SNX29: variants seen among roughly 807,000 people sequenced by gnomAD.
SNX29 encodes the protein sorting nexin-29.
SNX29 carries 78 observed loss-of-function variants against 102.1 expected under a neutral mutation model. That is an observed-to-expected ratio of 0.76 (90% confidence interval 0.64 to 0.92). SNX29 has a LOEUF of 0.92. Ranked by LOEUF, SNX29 falls within the 40% of genes least tolerant of loss-of-function variation. The pLI, the probability that SNX29 is intolerant of heterozygous loss-of-function variation, is 0.00. For synonymous variants in SNX29, 580 were observed against 414.5 expected, an observed-to-expected ratio of 1.40 and a Z score of -4.85; for missense variants, 1,280 against 1,061.7, an observed-to-expected ratio of 1.21 and a Z score of -2.86.
At chr16:12,203,299 G>T (rs2076961330) in intron 14 of SNX29, among the ~76,000 whole-genome samples, 1 of 152,132 alleles carries the variant, frequency 6.6e-6, no homozygotes, top group African/African-American at 2.4e-5. Context: ...AGGTGGACTG[G>T]TGGTATTGGA....
rs769027308 is a variant in SNX29 at position 12,091,039 on chromosome 16, G to GAA, written c.1402+12126_1402+12127dup. Among the ~76,000 whole-genome samples, 339 of 111,160 alleles carry GAA rather than the reference G, an allele frequency of 3.0e-3. 9 individuals are homozygous for GAA. The highest frequency in any genetic ancestry group is 0.012 in the African/African-American group (318 of 27,264). 72.9% of individuals were successfully genotyped at this position (111,160 alleles called of 152,430 possible). A position where few individuals can be genotyped will look rare whatever the true frequency, so the allele number is the denominator to read the frequency against. ...CAAAAAAAAAAAAAAAAAAAAAAAAGAAAGAAAAAGAAAAAAGAGCGCCTG... is the reference window on the plus strand; with the variant it reads ...CAAAAAAAAAAAAAAAAAAAAAAAAGAAAAAGAAAAAGAAAAAAGAGCGCCTG... On this transcript the variant is annotated intron_variant, in intron 11 of 20. Transcript: ENST00000566228.
chr16:12,429,433 C>T (rs1320316487), intron 18 of SNX29, among the ~76,000 whole-genome samples: 1 of 151,966 alleles, frequency 6.6e-6, no homozygotes, highest in African/African-American at 2.4e-5. Context: ...TTTCTTTTTC[C>T]TCTAAGAGAC....
intron 20 of SNX29, among the ~76,000 whole-genome samples, chr16:12,530,542 T>G (rs1262933655): frequency 4.5e-5 from 3 of 66,638 alleles, no homozygotes; most frequent in East Asian, 1.2e-3. Flanking sequence ...TTTGCCTTCG[T>G]TTTTTTTTTT....
chr16:12,565,167 G>T (rs1210155876), intron 20 of SNX29, among the ~76,000 whole-genome samples: 2 of 152,004 alleles, frequency 1.3e-5, no homozygotes, highest in Non-Finnish European at 2.9e-5. Flanking sequence ...CATACTCCCA[G>T]TCCTACCCAA....
chr16:12,512,155 T>C (rs944385987), intron 19 of SNX29, among the ~76,000 whole-genome samples: 2 of 151,366 alleles, frequency 1.3e-5, no homozygotes, highest in Non-Finnish European at 2.9e-5. Flanking sequence ...CCCCAGGGGA[T>C]GTAGGGAGGC....
At chr16:11,976,843 C>T (rs991581015) in intron 1 of SNX29, 30 bp downstream of exon 1, 2 of 1,343,618 alleles carry the variant, frequency 1.5e-6, no homozygotes, top group African/African-American at 1.5e-5. Context: ...CTGTCACCTG[C>T]CCCGGCCGCC....
chr16:12,226,837 C>T (rs889681851), intron 14 of SNX29, among the ~76,000 whole-genome samples: 6 of 152,178 alleles, frequency 3.9e-5, no homozygotes, highest in African/African-American at 1.2e-4. Context: ...CTTGGCCTCC[C>T]AAAGTGCTGG....
chr16:12,241,560 A>G (rs748783761), intron 14 of SNX29, among the ~76,000 whole-genome samples: 4 of 152,022 alleles, frequency 2.6e-5, no homozygotes, highest in Non-Finnish European at 4.4e-5. Flanking sequence ...CCTGGGTTCA[A>G]GTGATCTTCC....
chr16:12,526,589 A>T, intron 20 of SNX29: 1 of 531,526 alleles, frequency 1.9e-6, no homozygotes, highest in South Asian at 1.5e-5. Context: ...GCGATAGTTC[A>T]CGTGAGGAGT....
chr16:11,980,430 T>C (rs573283301), intron 1 of SNX29, among the ~76,000 whole-genome samples: 6 of 152,362 alleles, frequency 3.9e-5, no homozygotes, highest in South Asian at 4.1e-4. Flanking sequence ...ATTTGAGTTG[T>C]TTCTACTTTT....
At chr16:12,150,212 A>C (rs2055238506) in intron 13 of SNX29, among the ~76,000 whole-genome samples, 2 of 152,084 alleles carry the variant, frequency 1.3e-5, no homozygotes, top group African/African-American at 2.4e-5. Flanking sequence ...GGATAGGAGG[A>C]GGCCAGGGTC....
chr16:12,501,129 T>C (rs1276422328), intron 19 of SNX29, among the ~76,000 whole-genome samples: 4 of 152,148 alleles, frequency 2.6e-5, no homozygotes, highest in Non-Finnish European at 2.9e-5. Flanking sequence ...TCAAGAATTG[T>C]GTTCAACTAT....
intron 14 of SNX29, among the ~76,000 whole-genome samples, chr16:12,263,779 G>A (rs1430751925): frequency 1.3e-5 from 2 of 152,026 alleles, no homozygotes; most frequent in Admixed American, 1.3e-4. Context: ...TATATTTTTT[G>A]CTAAGTTTTT....
chr16:12,215,879 T>C (rs1239858552), intron 14 of SNX29, among the ~76,000 whole-genome samples: 3 of 152,184 alleles, frequency 2.0e-5, no homozygotes, highest in Non-Finnish European at 4.4e-5. Flanking sequence ...CTGGCTGCCC[T>C]CATTATAGTG....
chr16:12,023,006 C>G (rs1218525923), intron 3 of SNX29, among the ~76,000 whole-genome samples: 2 of 151,144 alleles, frequency 1.3e-5, no homozygotes, highest in Admixed American at 6.6e-5. Context: ...AAGGAATTCT[C>G]CTGCTCCAGC....
At chr16:12,547,402 G>A (rs539197927) in intron 20 of SNX29, among the ~76,000 whole-genome samples, 2 of 152,166 alleles carry the variant, frequency 1.3e-5, no homozygotes, top group Non-Finnish European at 2.9e-5. Context: ...TGATAGAACA[G>A]GTAGTTAGGG....
intron 14 of SNX29, among the ~76,000 whole-genome samples, chr16:12,256,167 G>A (rs991782808): frequency 3.3e-5 from 5 of 152,212 alleles, no homozygotes; most frequent in African/African-American, 1.2e-4. Context: ...CCGTTTGGAT[G>A]TCTTCCTTGA....
At chr16:12,377,438 C>G (rs1045219390) in intron 16 of SNX29, among the ~76,000 whole-genome samples, 1 of 152,188 alleles carries the variant, frequency 6.6e-6, no homozygotes, top group Admixed American at 6.5e-5. Flanking sequence ...CCAGAAATTA[C>G]ATGTCACATC....
chr16:12,384,325 A>G (rs944839410), intron 16 of SNX29, among the ~76,000 whole-genome samples: 5 of 152,210 alleles, frequency 3.3e-5, no homozygotes, highest in African/African-American at 7.2e-5. Flanking sequence ...GTGTGAATTT[A>G]CATTCCCATC....
Sources: gnomAD v4.1 joint callset for allele counts (sites outside exome capture counted in the v4.1 genomes callset) on GRCh38, gnomAD v4.1.1 for gene constraint, MANE v1.5 for transcripts, NCBI Gene and HGNC (gene_info 2026-07-23, HGNC 2026-07-21) for gene names.